ANKS1B: variants seen among roughly 807,000 people sequenced by gnomAD.
The protein encoded by ANKS1B is ankyrin repeat and sterile alpha motif domain-containing protein 1B.
In ANKS1B, 36 loss-of-function variants were observed where a neutral mutation model predicts 148.3. The observed-to-expected ratio is 0.24, with a 90% CI of 0.19 to 0.32. ANKS1B has a LOEUF of 0.32. Among genes scored for constraint, ANKS1B ranks in the 10% least tolerant of loss-of-function variants. The probability of loss-of-function intolerance (pLI) is 1.00; values close to 1 mark genes in which losing one functional copy is unlikely to be tolerated. For synonymous variants in ANKS1B, 542 were observed against 560.8 expected, an observed-to-expected ratio of 0.97 and a Z score of 0.47; for missense variants, 1,157 against 1,542.6, an observed-to-expected ratio of 0.75 and a Z score of 4.19.
At chr12:99,158,091 G>A (rs77968357) in intron 14 of ANKS1B, among the ~76,000 whole-genome samples, 1 of 152,062 alleles carries the variant, frequency 6.6e-6, no homozygotes, top group Non-Finnish European at 1.5e-5. Context: ...GGAAAAAAAA[G>A]AAGACCCTGA....
intron 8 of ANKS1B, among the ~76,000 whole-genome samples, chr12:99,657,241 G>T (rs1327722632): frequency 6.6e-6 from 1 of 152,064 alleles, no homozygotes; most frequent in African/African-American, 2.4e-5. Context: ...AAAACCCAAG[G>T]TCACGAAGCT....
rs78978407 is a variant in ANKS1B at position 98,964,776 on chromosome 12, T to A, written c.2778+88381A>T. 3.3e-5 allele frequency among the ~76,000 whole-genome samples: 5 copies of A among 152,182 alleles called. No homozygotes were observed. In the East Asian group the frequency reaches 9.6e-4, roughly 29 times the overall value. On this transcript the variant is annotated intron_variant, in intron 17 of 26. Transcript: ENST00000683438. Reference sequence around the variant, plus strand: ...ATTAAAACAATTGAACACATGAAGATAGAGAGTAGAATGATGGTTACCAGA... The same window carrying A: ...ATTAAAACAATTGAACACATGAAGAAAGAGAGTAGAATGATGGTTACCAGA...
rs1225030414 is a variant in ANKS1B at position 99,103,670 on chromosome 12, A to ACTCATTTTTATATCATTC, written c.2527-18665_2527-18648dup. 9.2e-5 allele frequency among the ~76,000 whole-genome samples: 14 copies of ACTCATTTTTATATCATTC among 152,014 alleles called. 1 individual carries two copies. The highest frequency in any genetic ancestry group is 3.4e-4 in the African/African-American group (14 of 41,450). On this transcript the variant is annotated intron_variant, in intron 15 of 26. Transcript: ENST00000683438. ...TCTTTTCATCTTCTTCAACTTTTTG[A>ACTCATTTTTATATCATTC]CTCATTTTTATATCATTCCTCTATG... is the stretch of plus-strand genomic sequence containing the variant.
intron 8 of ANKS1B, among the ~76,000 whole-genome samples, chr12:99,695,876 A>G (rs2053822367): frequency 6.6e-6 from 1 of 152,196 alleles, no homozygotes; most frequent in African/African-American, 2.4e-5. Flanking sequence ...CATGTATCCC[A>G]GAACTTAAAA....
At chr12:99,895,726 C>G (rs1232138984) in intron 1 of ANKS1B, among the ~76,000 whole-genome samples, 1 of 150,978 alleles carries the variant, frequency 6.6e-6, no homozygotes, top group Non-Finnish European at 1.5e-5. Context: ...AGCACACCTC[C>G]CTCTAAGAAG....
chr12:98,993,996 T>A (rs1354223756), intron 17 of ANKS1B, among the ~76,000 whole-genome samples: 1 of 152,222 alleles, frequency 6.6e-6, no homozygotes, highest in African/African-American at 2.4e-5. Context: ...AAAACTAATT[T>A]ATTAACTATC....
At chr12:99,570,639 T>C (rs1023270783) in intron 9 of ANKS1B, among the ~76,000 whole-genome samples, 2 of 141,412 alleles carry the variant, frequency 1.4e-5, no homozygotes, top group African/African-American at 5.3e-5. Context: ...GAGCGAGACT[T>C]CGTCTCAAAA....
intron 8 of ANKS1B, among the ~76,000 whole-genome samples, chr12:99,757,778 A>G (rs7968804): frequency 0.44 from 67,203 of 151,858 alleles, 15,227 homozygotes; most frequent in South Asian, 0.61. Flanking sequence ...GAATGAGATC[A>G]TGCCCTTTCC....
At chr12:98,941,542 T>C (rs1370238005) in intron 17 of ANKS1B, among the ~76,000 whole-genome samples, 1 of 152,168 alleles carries the variant, frequency 6.6e-6, no homozygotes, top group Non-Finnish European at 1.5e-5. Flanking sequence ...ATAACTGAAA[T>C]GCACTGTGAG....
intron 1 of ANKS1B, among the ~76,000 whole-genome samples, chr12:99,952,184 G>T (rs180896441): frequency 1.9e-4 from 29 of 152,250 alleles, no homozygotes; most frequent in Admixed American, 9.8e-4. Context: ...AGTCAGTATG[G>T]AGGGCACCTG....
chr12:99,439,799 T>G (rs1263663026), intron 11 of ANKS1B, among the ~76,000 whole-genome samples: 2 of 151,816 alleles, frequency 1.3e-5, no homozygotes, highest in Non-Finnish European at 2.9e-5. Context: ...CTTATTTATC[T>G]ATATGAAAAC....
intron 9 of ANKS1B, among the ~76,000 whole-genome samples, chr12:99,579,175 T>G (rs2097546669): frequency 6.6e-6 from 1 of 152,214 alleles, no homozygotes; most frequent in Admixed American, 6.5e-5. Flanking sequence ...GATCCCTTCC[T>G]TTCACTATAT....
intron 8 of ANKS1B, among the ~76,000 whole-genome samples, chr12:99,661,436 T>C (rs2098477040): frequency 6.6e-6 from 1 of 152,178 alleles, no homozygotes; most frequent in African/African-American, 2.4e-5. Flanking sequence ...GCCTTCTCCC[T>C]GTACCCGTTT....
chr12:99,137,865 C>G (rs1019968116), intron 15 of ANKS1B, among the ~76,000 whole-genome samples: 1 of 152,040 alleles, frequency 6.6e-6, no homozygotes, highest in African/African-American at 2.4e-5. Context: ...TAAACCTGAC[C>G]TCTTCTGTGG....
chr12:99,071,108 T>C (rs1450830001), intron 16 of ANKS1B, among the ~76,000 whole-genome samples: 11 of 152,212 alleles, frequency 7.2e-5, no homozygotes, highest in African/African-American at 2.4e-4. Flanking sequence ...ACTCCTATTA[T>C]AGCTTGTTTC....
chr12:99,228,526 G>A (rs891181992), intron 14 of ANKS1B, among the ~76,000 whole-genome samples: 1 of 151,552 alleles, frequency 6.6e-6, no homozygotes, highest in Non-Finnish European at 1.5e-5. Flanking sequence ...TTACAAGAAG[G>A]GTAAAAAAAG....
chr12:98,882,960 G>A (rs1473029914), intron 17 of ANKS1B, among the ~76,000 whole-genome samples: 4 of 152,020 alleles, frequency 2.6e-5, no homozygotes, highest in East Asian at 3.9e-4. Flanking sequence ...AAACAACAAC[G>A]TTCTTTAGAG....
intron 15 of ANKS1B, among the ~76,000 whole-genome samples, chr12:99,111,613 C>T (rs768827392): frequency 6.6e-6 from 1 of 151,614 alleles, no homozygotes; most frequent in Admixed American, 6.6e-5. Context: ...TGTGGGAAAG[C>T]GAGGTCCCCT....
At chr12:98,838,008 T>C (rs1177321837) in intron 17 of ANKS1B, among the ~76,000 whole-genome samples, 2 of 152,186 alleles carry the variant, frequency 1.3e-5, no homozygotes, top group African/African-American at 4.8e-5. Flanking sequence ...CCCATGATTA[T>C]GTTTTGTGGT....
Sources: gnomAD v4.1 joint callset for allele counts (sites outside exome capture counted in the v4.1 genomes callset) on GRCh38, gnomAD v4.1.1 for gene constraint, MANE v1.5 for transcripts, NCBI Gene and HGNC (gene_info 2026-07-23, HGNC 2026-07-21) for gene names.